PCDH9: variants seen among roughly 807,000 people sequenced by gnomAD.
PCDH9 encodes protocadherin 9.
A neutral mutation model predicts 70.6 loss-of-function variants in PCDH9; 24 were observed. That is an observed-to-expected ratio of 0.34 (90% CI 0.25 to 0.48). The LOEUF (loss-of-function observed/expected upper bound fraction) is 0.48, where lower values mean the gene tolerates loss of function less well. PCDH9 is among the 20% of genes least tolerant of loss of function. PCDH9 has a pLI of 0.99. For missense variants in PCDH9, 1,281 were observed against 1,503.6 expected (o/e 0.85, Z 2.45); for synonymous variants, 562 against 558.5 (o/e 1.01, Z -0.09).
At chr13:66,837,419 C>G (rs999115079) in intron 3 of PCDH9, among the ~76,000 whole-genome samples, 8 of 152,102 alleles carry the variant, frequency 5.3e-5, no homozygotes, top group African/African-American at 2.4e-5. Context: ...CACAACGAGG[C>G]AAAAACATAC....
Position 66,432,945 on chromosome 13 carries a change from T to C in PCDH9, c.3341-127917A>G, listed in dbSNP as rs149168735. ...TGCATACCAGAAAAATATGGCTCAA[T>C]GCCCTAAGGAATATATTTAATTTGC... On this transcript the variant is annotated intron_variant, in intron 4 of 4. Transcript: ENST00000377865. 1.7e-3 allele frequency among the ~76,000 whole-genome samples: 264 copies of C among 152,066 alleles called. 2 individuals are homozygous for C. The Middle Eastern group carries it at 0.02, about 12-fold the overall frequency.
At chr13:66,449,828 G>A (rs537993015) in intron 4 of PCDH9, among the ~76,000 whole-genome samples, 15 of 151,964 alleles carry the variant, frequency 9.9e-5, no homozygotes, top group East Asian at 3.9e-4. Context: ...TTATGCATCC[G>A]TACTAATTCT....
intron 3 of PCDH9, among the ~76,000 whole-genome samples, chr13:66,773,383 C>T (rs1372406628): frequency 6.6e-6 from 1 of 152,100 alleles, no homozygotes; most frequent in East Asian, 1.9e-4. Flanking sequence ...AATCCCAGTA[C>T]TTTGGGAGGC....
At chr13:66,438,612 T>TA (rs1957920249) in intron 4 of PCDH9, among the ~76,000 whole-genome samples, 2 of 152,218 alleles carry the variant, frequency 1.3e-5, no homozygotes, top group Non-Finnish European at 2.9e-5. Context: ...ATGTGACTGT[T>TA]ACGGCCCTTG....
At chr13:66,965,392 A>T (rs2083414344) in intron 2 of PCDH9, among the ~76,000 whole-genome samples, 1 of 151,776 alleles carries the variant, frequency 6.6e-6, no homozygotes, top group African/African-American at 2.4e-5. Flanking sequence ...TTCCCCCAGG[A>T]TTTTCCCTTA....
chr13:66,430,230 G>A (rs1406161958), intron 4 of PCDH9, among the ~76,000 whole-genome samples: 1 of 151,976 alleles, frequency 6.6e-6, no homozygotes, highest in Non-Finnish European at 1.5e-5. Context: ...TTTTACTAAT[G>A]ACAGACACAC....
At chr13:66,480,073 A>AT (rs1339929740) in intron 4 of PCDH9, among the ~76,000 whole-genome samples, 1 of 152,196 alleles carries the variant, frequency 6.6e-6, no homozygotes, top group Non-Finnish European at 1.5e-5. Context: ...GAAGTCAGTG[A>AT]GACCAAGAAC....
rs1035819391 is a variant in PCDH9 at position 66,807,664 on chromosome 13, T to C, written c.3138+95840A>G. Among the ~76,000 whole-genome samples, 18 of 152,324 alleles carry C rather than the reference T, an allele frequency of 1.2e-4. No homozygotes were observed. In the East Asian group the frequency reaches 2.1e-3, roughly 18 times the overall value. On this transcript the variant is annotated intron_variant, in intron 3 of 4. Coordinates refer to ENST00000377865, the MANE Select transcript of PCDH9 (RefSeq NM_203487.3). ...AAATAAGTATTTGTTATCTTATTAA[T>C]ATAATTTTTGAATATTTTCAAATGT...
chr13:66,645,129 A>G (rs2077754790), intron 3 of PCDH9, among the ~76,000 whole-genome samples: 2 of 152,110 alleles, frequency 1.3e-5, no homozygotes, highest in African/African-American at 4.8e-5. Context: ...CATAAATATG[A>G]AAATCTAGAA....
intron 4 of PCDH9, among the ~76,000 whole-genome samples, chr13:66,560,307 A>ACTGC (rs1961953113): frequency 6.6e-6 from 1 of 151,988 alleles, no homozygotes; most frequent in Non-Finnish European, 1.5e-5. Flanking sequence ...ACTGCATGGG[A>ACTGC]AGGGGGAGGG....
At chr13:66,679,841 T>C (rs1022986586) in intron 3 of PCDH9, among the ~76,000 whole-genome samples, 6 of 151,942 alleles carry the variant, frequency 3.9e-5, no homozygotes, top group Non-Finnish European at 7.4e-5. Context: ...TCACCTGATA[T>C]ATGGCAATGT....
At chr13:66,396,131 T>G (rs1469510521) in intron 4 of PCDH9, among the ~76,000 whole-genome samples, 1 of 152,144 alleles carries the variant, frequency 6.6e-6, no homozygotes, top group Non-Finnish European at 1.5e-5. Context: ...GAGGAGAATT[T>G]AGGTATAGGG....
chr13:66,699,378 A>G (rs1593914002), intron 3 of PCDH9, among the ~76,000 whole-genome samples: 1 of 152,224 alleles, frequency 6.6e-6, no homozygotes, highest in African/African-American at 2.4e-5. Context: ...CCTAATCCCC[A>G]GAACCTGTGA....
intron 2 of PCDH9, among the ~76,000 whole-genome samples, chr13:67,016,781 G>T (rs1211305544): frequency 6.6e-6 from 1 of 152,128 alleles, no homozygotes; most frequent in Non-Finnish European, 1.5e-5. Context: ...ATAATGATTT[G>T]ATATGAAAAG....
chr13:66,752,197 G>A (rs959564312), intron 3 of PCDH9, among the ~76,000 whole-genome samples: 2 of 152,196 alleles, frequency 1.3e-5, no homozygotes, highest in African/African-American at 4.8e-5. Flanking sequence ...AAGTAAGAAA[G>A]AGAAAAGAAA....
intron 2 of PCDH9, among the ~76,000 whole-genome samples, chr13:67,153,499 C>T (rs915510167): frequency 6.6e-6 from 1 of 152,154 alleles, no homozygotes; most frequent in Non-Finnish European, 1.5e-5. Flanking sequence ...TATCTTATAG[C>T]ACTTTTCACA....
At chr13:66,498,535 A>G (rs1381482522) in intron 4 of PCDH9, among the ~76,000 whole-genome samples, 4 of 152,152 alleles carry the variant, frequency 2.6e-5, no homozygotes, top group Non-Finnish European at 4.4e-5. Flanking sequence ...GACTTCCTCA[A>G]TATCCCTGTG....
chr13:67,138,989 TGTATA>T (rs1317642641), intron 2 of PCDH9, among the ~76,000 whole-genome samples: 1 of 152,134 alleles, frequency 6.6e-6, no homozygotes, highest in Non-Finnish European at 1.5e-5. Context: ...AAATGAATCT[TGTATA>T]GTAAGGATCC....
intron 4 of PCDH9, among the ~76,000 whole-genome samples, chr13:66,530,052 T>A (rs555985802): frequency 2.8e-4 from 43 of 152,196 alleles, no homozygotes; most frequent in Non-Finnish European, 5.1e-4. Flanking sequence ...TATATAGTTG[T>A]TACATTGATA....
Sources: gnomAD v4.1 joint callset for allele counts (sites outside exome capture counted in the v4.1 genomes callset) on GRCh38, gnomAD v4.1.1 for gene constraint, MANE v1.5 for transcripts, NCBI Gene and HGNC (gene_info 2026-07-23, HGNC 2026-07-21) for gene names.